The following NCKAP1L variants were observed in gnomAD, a reference collection of about 807,000 sequenced individuals.
The protein encoded by NCKAP1L is NCK associated protein 1 like, also known as nck-associated protein 1-like.
In NCKAP1L, 53 loss-of-function variants were observed where a neutral mutation model predicts 139.2. That is an observed-to-expected ratio of 0.38 (90% confidence interval 0.31 to 0.48). NCKAP1L has a LOEUF of 0.48. NCKAP1L is among the 20% of genes least tolerant of loss of function. The pLI, the probability that NCKAP1L is intolerant of heterozygous loss-of-function variation, is 0.98. For missense variants in NCKAP1L, 1,151 were observed against 1,381.9 expected, an observed-to-expected ratio of 0.83 and a Z score of 2.65; for synonymous variants, 468 against 499.7, an observed-to-expected ratio of 0.94 and a Z score of 0.85.
At chr12:54,505,192 C>A (rs1258063021) in intron 3 of NCKAP1L, among the ~76,000 whole-genome samples, 3 of 152,206 alleles carry the variant, frequency 2.0e-5, no homozygotes, top group Non-Finnish European at 4.4e-5. Flanking sequence ...CGGAAACAAG[C>A]ATGGAGACGG....
chr12:54,519,310 A>G lies in NCKAP1L; in HGVS notation c.1603A>G (p.Thr535Ala), dbSNP rs1483665191. The G allele has an allele frequency of 1.3e-6, 2 of 1,579,052 alleles. No homozygotes were observed. Among genetic ancestry groups the G allele is most frequent in the Admixed American group, 4.2e-5 (2 of 48,126 alleles). Residue 535 changes from threonine (T) to alanine (A), a missense_variant, in exon 16 of 31, where the codon ACT becomes GCT. By Grantham distance (58) the Thr-to-Ala change is moderately conservative (BLOSUM62 0). Coordinates refer to ENST00000293373, the MANE Select transcript of NCKAP1L (RefSeq NM_005337.5). Reference protein sequence around the residue: ...LDSVEKLLVETSDLSTFCFHL... With the variant: ...LDSVEKLLVEASDLSTFCFHL... Reference sequence around the variant, plus strand: ...CTCCGTAGAAAAATTGCTGGTGGAAACTTCTGATCTGTCTACTTTCTGGTA... The same window carrying G: ...CTCCGTAGAAAAATTGCTGGTGGAAGCTTCTGATCTGTCTACTTTCTGGTA...
intron 16 of NCKAP1L, among the ~76,000 whole-genome samples, chr12:54,520,188 A>G (rs1209921413): frequency 6.6e-6 from 1 of 152,224 alleles, no homozygotes; most frequent in Non-Finnish European, 1.5e-5. Context: ...ATATGTGAAA[A>G]GGACATCAAC....
intron 2 of NCKAP1L, 56 bp downstream of exon 2, chr12:54,499,521 A>G: frequency 9.5e-7 from 1 of 1,047,144 alleles, no homozygotes; most frequent in African/African-American, 1.6e-5. Flanking sequence ...TGAATGGCTG[A>G]AATTCTCCTC....
At position 54,499,455 on chromosome 12, in the gene NCKAP1L, G is replaced by A. The variant is rs202229208; in HGVS notation, c.203G>A (p.Arg68Gln). 7.6e-5 allele frequency: 119 copies of A among 1,567,908 alleles called. No homozygotes were observed. Among genetic ancestry groups the A allele is most frequent in the African/African-American group, 3.2e-4 (24 of 74,048 alleles). The change falls in exon 2 of 31, where the codon CGA becomes CAA. Residue 68 changes from arginine (R) to glutamine (Q), a missense_variant. Physicochemically the swap from Arg to Gln is conservative, Grantham distance 43. Coordinates refer to ENST00000293373, the MANE Select transcript of NCKAP1L (RefSeq NM_005337.5). ...AAGAAATTTCCCAACATAGATGTCCGAAACAGCACGGTGAGAACTTGGTCC... is the reference window on the plus strand; with the variant it reads ...AAGAAATTTCCCAACATAGATGTCCAAAACAGCACGGTGAGAACTTGGTCC... ...INKKFPNIDVRNSTQHLGPVH... is the reference protein window; with the variant it reads ...INKKFPNIDVQNSTQHLGPVH...
At chr12:54,520,549 G>T (rs140335583) in intron 16 of NCKAP1L, 145 bp from the exon 17 acceptor site, 5 of 813,202 alleles carry the variant, frequency 6.1e-6, no homozygotes, top group Non-Finnish European at 1.0e-5. Flanking sequence ...GTAAATATCG[G>T]TAAATGTTTT....
At chr12:54,506,791 A>AT (rs1364622277) in intron 3 of NCKAP1L, among the ~76,000 whole-genome samples, 33 of 79,002 alleles carry the variant, frequency 4.2e-4, no homozygotes, top group South Asian at 3.0e-3. Context: ...ATATTAAAAA[A>AT]AAAAAATATA....
At position 54,518,979 on chromosome 12, in the gene NCKAP1L, A is replaced by G. The variant is rs751228693; in HGVS notation, c.1479+7A>G. 8.7e-6 allele frequency: 14 copies of G among 1,611,810 alleles called. No individual in the cohort carries two copies. The East Asian group carries it at 2.5e-4, about 28-fold the overall frequency. On this transcript the variant is annotated splice_region_variant and intron_variant, in intron 15 of 30. Transcript: ENST00000293373. ...GGACTGGTTCCGCCTACAGGTAATG[A>G]TCTGTTCCTGTTAAAGATTCTCATC...
rs142607419 is a variant in NCKAP1L, at chr12:54,538,968, C to A, written c.3268C>A (p.Arg1090Ser). ...RNRESISLLM[R>S]LVVEESSFLT... The stretch of plus-strand genomic sequence containing the variant: ...TCGAGAATCCATTTCTCTGCTCATG[C>A]GCTTGGTAAGTACCTTATTTAAATT... Residue 1090 changes from arginine (R) to serine (S), a missense_variant, in exon 30 of 31, where the codon CGC becomes AGC. Physicochemically the swap from Arg to Ser is moderately radical, Grantham distance 110. Transcript: ENST00000293373. 9 of 1,613,554 alleles carry A rather than the reference C, an allele frequency of 5.6e-6. No individual in the cohort carries two copies. Among genetic ancestry groups the A allele is most frequent in the African/African-American group, 4.0e-5 (3 of 75,008 alleles).
chr12:54,506,796 A>AAAAAAAAATATATATATATATATAT, intron 3 of NCKAP1L, among the ~76,000 whole-genome samples: 1 of 50,606 alleles, frequency 2.0e-5, no homozygotes, highest in Non-Finnish European at 3.0e-5. Flanking sequence ...AAAAAAAAAA[A>AAAAAAAAATATATATATATATATAT]ATATATATAT....
chr12:54,501,250 C>A (rs1465712816), intron 3 of NCKAP1L, among the ~76,000 whole-genome samples: 1 of 152,130 alleles, frequency 6.6e-6, no homozygotes, highest in Non-Finnish European at 1.5e-5. Context: ...AGCCTAATGT[C>A]CTTAAGGTTC....
In NCKAP1L at chr12:54,520,755, C is replaced by A. The variant is rs879580819; in HGVS notation, c.1687C>A (p.Arg563Ser). 2 of 1,613,924 alleles carry A rather than the reference C, an allele frequency of 1.2e-6. No individual in the cohort carries two copies. The highest frequency in any genetic ancestry group is 1.7e-6 in the Non-Finnish European group (2 of 1,179,986). Residue 563 changes from arginine (R) to serine (S), a missense_variant, in exon 17 of 31, where the codon CGT becomes AGT. Coordinates refer to ENST00000293373, the MANE Select transcript of NCKAP1L (RefSeq NM_005337.5). ...GACCTTGGAGGAATCTGCCATGTTG[C>A]GTTATGCCATTGCTTTCCCCCTGAT... ...AMTLEESAML[R>S]YAIAFPLICA...
intron 15 of NCKAP1L, 50 bp downstream of exon 15, chr12:54,519,022 C>T (rs866887046): frequency 6.4e-7 from 1 of 1,573,912 alleles, no homozygotes; most frequent in South Asian, 1.1e-5. Context: ...TCTTCCTCCC[C>T]CACAATCCCT....
chr12:54,521,099 T>C lies in NCKAP1L; in HGVS notation c.1759-20T>C, dbSNP rs1430960088. 5.6e-6 allele frequency: 9 copies of C among 1,613,754 alleles called. No individual in the cohort carries two copies. Among genetic ancestry groups the C allele is most frequent in the Non-Finnish European group, 7.6e-6 (9 of 1,179,854 alleles). On this transcript the variant is annotated intron_variant, in intron 17 of 30. Coordinates refer to ENST00000293373, the MANE Select transcript of NCKAP1L (RefSeq NM_005337.5). ...CGTGCTGGTGATGACAGTCTCTTCTTTGGTCCCTCTTTCCCATAGTACCCC... is the reference window on the plus strand; with the variant it reads ...CGTGCTGGTGATGACAGTCTCTTCTCTGGTCCCTCTTTCCCATAGTACCCC...
intron 21 of NCKAP1L, among the ~76,000 whole-genome samples, chr12:54,527,221 G>A (rs1957033563): frequency 6.6e-6 from 1 of 152,146 alleles, no homozygotes; most frequent in African/African-American, 2.4e-5. Flanking sequence ...GGAGAAGGTG[G>A]GAATCAGCAC....
Position 54,531,524 on chromosome 12 carries a change from C to G in NCKAP1L, c.2638C>G (p.Gln880Glu). The G allele has an allele frequency of 1.9e-6, 3 of 1,614,174 alleles. No individual in the cohort carries two copies. The highest frequency in any genetic ancestry group is 2.5e-6 in the Non-Finnish European group (3 of 1,180,032). ...LVVENMDILV[Q>E]IRSNFSKPDL... The stretch of plus-strand genomic sequence containing the variant: ...GGTGGAAAACATGGACATACTTGTT[C>G]AGATCAGATCCAACTTTAGCAAGCC... The change falls in exon 24 of 31, where the codon CAG (glutamine) becomes GAG (glutamate). Residue 880 changes from glutamine (Q) to glutamate (E), a missense_variant. Physicochemically the swap from Gln to Glu is conservative, Grantham distance 29 (BLOSUM62 2). Transcript: ENST00000293373.
rs1458461937 is a variant in NCKAP1L, at chr12:54,521,110, T to C, written c.1759-9T>C. On this transcript the variant is annotated splice_polypyrimidine_tract_variant and intron_variant, in intron 17 of 30. Coordinates refer to ENST00000293373, the MANE Select transcript of NCKAP1L (RefSeq NM_005337.5). ...TGACAGTCTCTTCTTTGGTCCCTCTTTCCCATAGTACCCCCACCTCAAGAA... is the reference window on the plus strand; with the variant it reads ...TGACAGTCTCTTCTTTGGTCCCTCTCTCCCATAGTACCCCCACCTCAAGAA... 4.4e-5 allele frequency: 71 copies of C among 1,613,836 alleles called. No individual in the cohort carries two copies. In the Admixed American group the frequency reaches 1.2e-3, roughly 27 times the overall value.
Position 54,511,867 on chromosome 12 carries a change from T to C in NCKAP1L, c.784+16T>C. 1 of 1,614,144 alleles carries C rather than the reference T, an allele frequency of 6.2e-7. No homozygotes were observed. ...TGGATTATCAGTAAGTTTAGTGGGATTAGATGGGAGTGGATGAAGCAGTAT... is the reference window on the plus strand; with the variant it reads ...TGGATTATCAGTAAGTTTAGTGGGACTAGATGGGAGTGGATGAAGCAGTAT... On this transcript the variant is annotated intron_variant, in intron 8 of 30. Transcript: ENST00000293373.
intron 3 of NCKAP1L, among the ~76,000 whole-genome samples, chr12:54,501,640 G>A (rs1049975530): frequency 6.6e-6 from 1 of 151,894 alleles, no homozygotes; most frequent in Non-Finnish European, 1.5e-5. Flanking sequence ...GAATAGCTGG[G>A]GCTAAAGGCA....
chr12:54,500,865 A>G, intron 3 of NCKAP1L: 2 of 322,262 alleles, frequency 6.2e-6, no homozygotes, highest in Non-Finnish European at 1.1e-5. Flanking sequence ...TCTAGGAAAG[A>G]TCTGGACTAT....
Sources: gnomAD v4.1 joint callset for allele counts (sites outside exome capture counted in the v4.1 genomes callset) on GRCh38, gnomAD v4.1.1 for gene constraint, MANE v1.5 for transcripts, NCBI Gene and HGNC (gene_info 2026-07-23, HGNC 2026-07-21) for gene names.